CTNNA3: variants seen among roughly 807,000 people sequenced by gnomAD.
CTNNA3 encodes catenin alpha 3.
In CTNNA3, 76 loss-of-function variants were observed where a neutral mutation model predicts 95.7. The ratio of observed to expected loss-of-function variants is 0.79; its 90% CI spans 0.66 to 0.96. CTNNA3 has a LOEUF of 0.96. Ranked by LOEUF, CTNNA3 falls within the 40% of genes least tolerant of loss-of-function variation. The probability of loss-of-function intolerance (pLI) is 0.00; values close to 1 mark genes in which losing one functional copy is unlikely to be tolerated. For missense variants in CTNNA3, 1,191 were observed against 1,089.8 expected (o/e 1.09, Z -1.31); for synonymous variants, 431 against 374.4 (o/e 1.15, Z -1.74).
At chr10:67,604,688 C>T (rs2133375252) in intron 3 of CTNNA3, among the ~76,000 whole-genome samples, 1 of 152,180 alleles carries the variant, frequency 6.6e-6, no homozygotes, top group East Asian at 1.9e-4. Flanking sequence ...TACCCTGAAC[C>T]TAAAATAAAA....
At chr10:66,346,978 G>GA (rs11357372) in intron 12 of CTNNA3, among the ~76,000 whole-genome samples, 20 of 146,128 alleles carry the variant, frequency 1.4e-4, no homozygotes, top group South Asian at 2.2e-4. Context: ...ATCTTCGGTA[G>GA]AAAAAAAAAA....
intron 11 of CTNNA3, among the ~76,000 whole-genome samples, chr10:66,437,548 T>C: frequency 6.6e-6 from 1 of 152,122 alleles, no homozygotes; most frequent in East Asian, 1.9e-4. Context: ...AGGTCATTTA[T>C]GTTCTTCTCT....
chr10:66,855,613 A>G (rs1383247365), intron 7 of CTNNA3, among the ~76,000 whole-genome samples: 1 of 151,974 alleles, frequency 6.6e-6, no homozygotes, highest in Non-Finnish European at 1.5e-5. Context: ...GAATAATATC[A>G]CTGACTCATA....
At chr10:66,087,420 T>C (rs529545438) in intron 14 of CTNNA3, among the ~76,000 whole-genome samples, 2 of 152,262 alleles carry the variant, frequency 1.3e-5, no homozygotes, top group South Asian at 2.1e-4. Flanking sequence ...TGGTGCTTCA[T>C]TGGCATCTAC....
intron 11 of CTNNA3, among the ~76,000 whole-genome samples, chr10:66,514,830 T>G (rs578189993): frequency 6.6e-6 from 1 of 152,168 alleles, no homozygotes; most frequent in African/African-American, 2.4e-5. Context: ...TCTATCAAAG[T>G]TTGTAGCTCA....
Position 65,917,194 on chromosome 10 carries a change from T to C in CTNNA3, c.*3136A>G, listed in dbSNP as rs777447804. On this transcript the variant is annotated 3_prime_UTR_variant, in exon 18 of 18. Coordinates refer to ENST00000433211, the MANE Select transcript of CTNNA3 (RefSeq NM_013266.4). The stretch of plus-strand genomic sequence containing the variant: ...ACACTTGTGAATGTGAAGGCTATAT[T>C]GTCTTTTCTAATACATTTGCAATTT... 4.6e-5 allele frequency: 7 copies of C among 152,196 alleles called. No homozygotes were observed. Among genetic ancestry groups the C allele is most frequent in the Non-Finnish European group, 1.0e-4 (7 of 68,040 alleles). The allele number at this position is 152,196 out of a possible 1,614,324, so 9.4% of individuals were successfully genotyped here. A position where few individuals can be genotyped will look rare whatever the true frequency, so the allele number is the denominator to read the frequency against.
intron 11 of CTNNA3, among the ~76,000 whole-genome samples, chr10:66,506,469 T>C (rs1395895299): frequency 1.3e-5 from 2 of 152,138 alleles, no homozygotes; most frequent in African/African-American, 4.8e-5. Flanking sequence ...GGGAGGCTTT[T>C]CCAATTTTCT....
intron 3 of CTNNA3, among the ~76,000 whole-genome samples, chr10:67,546,106 G>A (rs1840836503): frequency 6.6e-6 from 1 of 152,010 alleles, no homozygotes; most frequent in Non-Finnish European, 1.5e-5. Context: ...TCAAAAAATT[G>A]ACCAAGTAAT....
At chr10:67,231,484 C>A (rs1163726646) in intron 5 of CTNNA3, among the ~76,000 whole-genome samples, 8 of 152,186 alleles carry the variant, frequency 5.3e-5, no homozygotes, top group African/African-American at 1.9e-4. Flanking sequence ...AGAAGGAAAA[C>A]TAACAAACAG....
chr10:66,914,130 C>CTTTTTTTTTTTTTTCTTTT (rs1564762700), intron 7 of CTNNA3, among the ~76,000 whole-genome samples: 201 of 120,234 alleles, frequency 1.7e-3, no homozygotes, highest in African/African-American at 5.8e-3. Flanking sequence ...AGGGTGCCTT[C>CTTTTTTTTTTTTTTCTTTT]TTTTTTTTTT....
chr10:67,081,423 C>T (rs1401320887), intron 7 of CTNNA3, among the ~76,000 whole-genome samples: 1 of 152,134 alleles, frequency 6.6e-6, no homozygotes, highest in African/African-American at 2.4e-5. Context: ...TTTTCTCTAG[C>T]ACTAACAACA....
intron 7 of CTNNA3, among the ~76,000 whole-genome samples, chr10:67,082,362 T>C (rs1336818819): frequency 2.6e-5 from 4 of 152,176 alleles, no homozygotes; most frequent in African/African-American, 9.7e-5. Flanking sequence ...ATGGCACAAA[T>C]TGCGATTTCG....
intron 5 of CTNNA3, among the ~76,000 whole-genome samples, chr10:67,482,008 C>A (rs1183455735): frequency 6.6e-6 from 1 of 151,984 alleles, no homozygotes; most frequent in Non-Finnish European, 1.5e-5. Context: ...AATAGGGAAT[C>A]CTTTCCCCAT....
intron 7 of CTNNA3, among the ~76,000 whole-genome samples, chr10:66,970,199 G>A (rs1461894947): frequency 1.3e-5 from 2 of 152,072 alleles, no homozygotes; most frequent in African/African-American, 2.4e-5. Context: ...CTAGAGCAAG[G>A]TCAGTTGTGG....
rs374135285 is a variant in CTNNA3 at position 67,359,855 on chromosome 10, TC to T, written c.580-139986del. 2.1e-3 allele frequency among the ~76,000 whole-genome samples: 324 copies of T among 152,104 alleles called. 1 individual carries two copies. The highest frequency in any genetic ancestry group is 7.4e-3 in the African/African-American group (307 of 41,528). On this transcript the variant is annotated intron_variant, in intron 5 of 17. Coordinates refer to ENST00000433211, the MANE Select transcript of CTNNA3 (RefSeq NM_013266.4). Reference sequence around the variant, plus strand: ...CAATCCCAAGAAACTCAGAGAACCCTCATGAAATGCTAAACAAGAAGATCAT... The same window carrying T: ...CAATCCCAAGAAACTCAGAGAACCCTATGAAATGCTAAACAAGAAGATCAT...
intron 13 of CTNNA3, among the ~76,000 whole-genome samples, chr10:66,136,806 CTTATTA>C (rs1395527762): frequency 6.6e-6 from 1 of 151,916 alleles, no homozygotes; most frequent in African/African-American, 2.4e-5. Context: ...TTGCTTAATA[CTTATTA>C]TTTGTGAGTT....
chr10:67,610,884 G>A (rs1176985884), intron 2 of CTNNA3, among the ~76,000 whole-genome samples: 1 of 152,094 alleles, frequency 6.6e-6, no homozygotes, highest in African/African-American at 2.4e-5. Flanking sequence ...AGACTTCAGG[G>A]GTCCCTCTCA....
intron 11 of CTNNA3, among the ~76,000 whole-genome samples, chr10:66,446,888 C>T (rs2093426133): frequency 6.6e-6 from 1 of 151,748 alleles, no homozygotes; most frequent in Admixed American, 6.6e-5. Context: ...TCAAATTGTC[C>T]CTGTTTGCAG....
chr10:65,994,295 G>C (rs114627789), intron 15 of CTNNA3, among the ~76,000 whole-genome samples: 3,927 of 152,168 alleles, frequency 0.026, 155 homozygotes, highest in African/African-American at 0.089. Flanking sequence ...TCAGATATAA[G>C]AACCCTTTAA....
Sources: allele counts gnomAD v4.1 joint callset (sites outside exome capture counted in the v4.1 genomes callset), GRCh38; gene constraint gnomAD v4.1.1; transcripts MANE v1.5; gene names NCBI Gene and HGNC (gene_info 2026-07-23, HGNC 2026-07-21).